The following KIF3C variants were observed in gnomAD, a reference collection of about 807,000 sequenced individuals.
KIF3C encodes the protein kinesin-like protein KIF3C.
KIF3C carries 12 observed loss-of-function variants against 67.7 expected under a neutral mutation model. The ratio of observed to expected loss-of-function variants is 0.18; its 90% CI spans 0.11 to 0.29. KIF3C has a LOEUF of 0.29. KIF3C is among the 10% of genes least tolerant of loss of function. KIF3C has a pLI of 1.00. For synonymous variants in KIF3C, 393 were observed against 426.2 expected (o/e 0.92, Z 0.96); for missense variants, 789 against 1,059.6 (o/e 0.74, Z 3.55).
Position 25,981,457 on chromosome 2 carries a change from C to T in KIF3C, c.461G>A (p.Arg154Gln), listed in dbSNP as rs1027905043. The T allele has an allele frequency of 6.2e-7, 1 of 1,614,122 alleles. No homozygotes were observed. Among genetic ancestry groups the T allele is most frequent in the South Asian group, 1.1e-5 (1 of 91,072 alleles). Residue 154 changes from arginine (R) to glutamine (Q), a missense_variant, in exon 1 of 8, where the codon CGA (arginine) becomes CAA (glutamine). Transcript: ENST00000264712. The surrounding 1 kb of genome is among the most constrained non-coding windows in gnomAD (Gnocchi z 8.2). The part of the protein sequence containing the change: ...SYLEIYQEEI[R>Q]DLLSKEPGKR... ...GCCCGGCTCCTTGGAGAGCAGGTCT[C>T]GAATCTCTTCCTGGTAGATCTCCAA...
intron 5 of KIF3C, among the ~76,000 whole-genome samples, chr2:25,933,085 T>C (rs2090475838): frequency 6.6e-6 from 1 of 151,852 alleles, no homozygotes; most frequent in African/African-American, 2.4e-5. Context: ...ACCCCGTCTC[T>C]AGTAAAATAC....
intron 3 of KIF3C, 58 bp from the exon 4 acceptor site, chr2:25,954,443 AC>A: frequency 7.5e-7 from 1 of 1,333,584 alleles, no homozygotes. Flanking sequence ...GGCCCCAGTC[AC>A]CCAGCCTGGG....
intron 5 of KIF3C, among the ~76,000 whole-genome samples, chr2:25,933,279 A>G (rs1048821024): frequency 6.6e-6 from 1 of 151,938 alleles, no homozygotes; most frequent in Admixed American, 6.6e-5. Flanking sequence ...AAAAGGGCAA[A>G]GGATCTCAAT....
intron 5 of KIF3C, among the ~76,000 whole-genome samples, chr2:25,947,238 T>C (rs1348308187): frequency 1.3e-5 from 2 of 152,132 alleles, no homozygotes; most frequent in African/African-American, 4.8e-5. Flanking sequence ...TGGCAACATT[T>C]ACACAATAAA....
intron 1 of KIF3C, among the ~76,000 whole-genome samples, chr2:25,977,088 C>T (rs1286506977): frequency 6.9e-6 from 1 of 144,388 alleles, no homozygotes; most frequent in Non-Finnish European, 1.5e-5. Context: ...TACTGATAAA[C>T]AGGACACTGA....
In KIF3C at chr2:25,962,898, TATATATA is replaced by T. The variant is rs1191554898; in HGVS notation, c.1546-6461_1546-6455del. ...TATATAAAATATATATAATATAAAA[TATATATA>T]ATATATAATATATATAATATATAAT... On this transcript the variant is annotated intron_variant, in intron 1 of 7. Transcript: ENST00000264712. Among the ~76,000 whole-genome samples the T allele has an allele frequency of 5.2e-4, 31 of 59,786 alleles. 3 individuals are homozygous for T. The highest frequency in any genetic ancestry group is 4.7e-3 in the South Asian group (12 of 2,536). 39.2% of individuals were successfully genotyped at this position (59,786 alleles called of 152,430 possible).
chr2:25,967,875 G>A (rs1664184691), intron 1 of KIF3C, among the ~76,000 whole-genome samples: 1 of 152,134 alleles, frequency 6.6e-6, no homozygotes, highest in Admixed American at 6.6e-5. Flanking sequence ...CAACCAGCGA[G>A]TTTGAGAATA....
intron 1 of KIF3C, among the ~76,000 whole-genome samples, chr2:25,973,538 A>G (rs927594019): frequency 1.2e-4 from 15 of 130,200 alleles, no homozygotes; most frequent in Admixed American, 2.6e-4. Context: ...TGGGCAACAG[A>G]GTGAGACTCT....
intron 4 of KIF3C, 70 bp downstream of exon 4, chr2:25,954,196 TA>T (rs1476032432): frequency 1.6e-5 from 17 of 1,083,842 alleles, no homozygotes; most frequent in Non-Finnish European, 2.4e-5. Flanking sequence ...GATGAGGCCT[TA>T]GGGGAGGAGA....
intron 1 of KIF3C, among the ~76,000 whole-genome samples, chr2:25,966,439 C>A (rs185062470): frequency 2.6e-5 from 4 of 152,292 alleles, no homozygotes; most frequent in East Asian, 3.9e-4. Context: ...TATGTGCTTT[C>A]CAAATAACTT....
chr2:25,971,438 CAA>C (rs1171514127), intron 1 of KIF3C, among the ~76,000 whole-genome samples: 2 of 132,454 alleles, frequency 1.5e-5, no homozygotes. Context: ...GACTACATCT[CAA>C]AAAAAAAAAA....
At chr2:25,965,717 C>T (rs564044143) in intron 1 of KIF3C, among the ~76,000 whole-genome samples, 1 of 151,576 alleles carries the variant, frequency 6.6e-6, no homozygotes, top group African/African-American at 2.4e-5. Flanking sequence ...TAGAATATAC[C>T]AAGCAGAGGA....
chr2:25,956,253 C>G, intron 2 of KIF3C, 90 bp downstream of exon 2: 3 of 938,494 alleles, frequency 3.2e-6, no homozygotes, highest in South Asian at 2.8e-5. Context: ...TCCAGAGATC[C>G]AGAGTCCACC....
intron 5 of KIF3C, among the ~76,000 whole-genome samples, chr2:25,939,941 C>T (rs2149225206): frequency 6.6e-6 from 1 of 151,862 alleles, no homozygotes; most frequent in East Asian, 1.9e-4. Flanking sequence ...CAGAGTAAAA[C>T]TCTGTCTCAA....
chr2:25,962,989 ATATATAT>A (rs1331482165), intron 1 of KIF3C, among the ~76,000 whole-genome samples: 3 of 36,504 alleles, frequency 8.2e-5, no homozygotes, highest in Admixed American at 5.6e-4. Context: ...ATAATATATA[ATATATAT>A]AATATATAAT....
intron 1 of KIF3C, among the ~76,000 whole-genome samples, chr2:25,978,860 A>G (rs1407230620): frequency 1.3e-5 from 2 of 151,908 alleles, no homozygotes; most frequent in East Asian, 1.9e-4. Flanking sequence ...TGCCTCTAAT[A>G]TCTTGCTTCT....
intron 5 of KIF3C, among the ~76,000 whole-genome samples, chr2:25,935,407 C>T (rs942079427): frequency 2.6e-5 from 4 of 151,740 alleles, no homozygotes; most frequent in African/African-American, 9.7e-5. Context: ...TGCTCTGTCA[C>T]CCAAGCTGGA....
chr2:25,932,300 G>A (rs1388686516), intron 5 of KIF3C, among the ~76,000 whole-genome samples: 4 of 150,718 alleles, frequency 2.7e-5, no homozygotes, highest in African/African-American at 4.9e-5. Flanking sequence ...GCGCCTGGCC[G>A]GTAATTTTTA....
chr2:25,940,517 C>A (rs1487808064), intron 5 of KIF3C, among the ~76,000 whole-genome samples: 1 of 148,478 alleles, frequency 6.7e-6, no homozygotes, highest in Non-Finnish European at 1.5e-5. Context: ...TTGCAGTGAG[C>A]TGAGATCACG....
Sources: allele counts gnomAD v4.1 joint callset (sites outside exome capture counted in the v4.1 genomes callset), GRCh38; gene constraint gnomAD v4.1.1; non-coding constraint Gnocchi (gnomAD v3.1); transcripts MANE v1.5; gene names NCBI Gene and HGNC (gene_info 2026-07-23, HGNC 2026-07-21).